Variants in OR2L13 observed in about 807,000 individuals in gnomAD.
The protein encoded by OR2L13 is olfactory receptor family 2 subfamily L member 13.
A neutral mutation model predicts 15.3 loss-of-function variants in OR2L13; 14 were observed. The ratio of observed to expected loss-of-function variants is 0.91; its 90% CI spans 0.60 to 1.43. The LOEUF (loss-of-function observed/expected upper bound fraction) is 1.43. OR2L13 is among the 40% of genes most tolerant of loss of function. The pLI is 0.00. For missense variants in OR2L13, 367 were observed against 387.9 expected (o/e 0.95, Z 0.45); for synonymous variants, 152 against 142.9 (o/e 1.06, Z -0.45).
At chr1:247,957,563 A>G in the OR2L13 span, among the ~76,000 whole-genome samples, 4 of 152,108 alleles carry the variant, frequency 2.6e-5, no homozygotes, top group African/African-American at 4.8e-5. Context: ...CTGTGAATCC[A>G]TCTGGTCCTG....
At chr1:248,062,797 G>T in the OR2L13 span, 1 of 152,120 alleles carries the variant, frequency 6.6e-6, no homozygotes, top group African/African-American at 2.4e-5. Context: ...CGATTAACCC[G>T]ATTTGATCAT....
the OR2L13 span, among the ~76,000 whole-genome samples, chr1:247,967,045 C>A: frequency 1.4e-5 from 2 of 147,410 alleles, no homozygotes; most frequent in African/African-American, 5.0e-5. Flanking sequence ...ACACCACACA[C>A]CACACACACA....
chr1:248,039,658 T>C, the OR2L13 span: 2 of 153,796 alleles, frequency 1.3e-5, no homozygotes, highest in African/African-American at 4.8e-5. Flanking sequence ...CATTAACATG[T>C]AGAAATCAAA....
the OR2L13 span, chr1:247,939,604 C>CTA: frequency 6.6e-6 from 1 of 152,104 alleles, no homozygotes; most frequent in South Asian, 2.1e-4. Context: ...GAGCAACATT[C>CTA]TACATAAAAA....
At chr1:248,049,280 T>G in the OR2L13 span, among the ~76,000 whole-genome samples, 2 of 152,320 alleles carry the variant, frequency 1.3e-5, no homozygotes, top group East Asian at 3.9e-4. Flanking sequence ...GGCTACTTTC[T>G]TCATCTCACT....
At chr1:248,004,873 A>G in the OR2L13 span, among the ~76,000 whole-genome samples, 3 of 152,178 alleles carry the variant, frequency 2.0e-5, no homozygotes, top group African/African-American at 4.8e-5. Context: ...CCCAGTGAAC[A>G]TTCTTGGGTC....
At chr1:248,079,604 T>C in the OR2L13 span, among the ~76,000 whole-genome samples, 1 of 152,144 alleles carries the variant, frequency 6.6e-6, no homozygotes, top group African/African-American at 2.4e-5. Context: ...TGTTCGGTAA[T>C]AGAAATATAG....
the OR2L13 span, among the ~76,000 whole-genome samples, chr1:247,997,401 A>G: frequency 6.6e-6 from 1 of 152,202 alleles, no homozygotes; most frequent in African/African-American, 2.4e-5. Flanking sequence ...TTTAGTGAGC[A>G]TTTCCAAATT....
the OR2L13 span, among the ~76,000 whole-genome samples, chr1:247,974,241 G>C: frequency 2.0e-5 from 3 of 152,112 alleles, no homozygotes; most frequent in Non-Finnish European, 2.9e-5. Flanking sequence ...TGGACACATG[G>C]AGGGGAACAT....
the OR2L13 span, among the ~76,000 whole-genome samples, chr1:248,089,570 G>A: frequency 6.6e-6 from 1 of 152,102 alleles, no homozygotes; most frequent in Non-Finnish European, 1.5e-5. Context: ...AAATAAATGA[G>A]CAACTTCATA....
chr1:247,996,636 T>A, the OR2L13 span, among the ~76,000 whole-genome samples: 2 of 152,210 alleles, frequency 1.3e-5, no homozygotes, highest in African/African-American at 2.4e-5. Context: ...TTTGCATACA[T>A]AACCCTTGTG....
chr1:247,981,926 C>CT, the OR2L13 span, among the ~76,000 whole-genome samples: 2 of 151,866 alleles, frequency 1.3e-5, no homozygotes, highest in Admixed American at 1.3e-4. Context: ...CGCCATTCTC[C>CT]TGCCTCAGCC....
the OR2L13 span, among the ~76,000 whole-genome samples, chr1:247,986,793 A>T: frequency 6.6e-6 from 1 of 152,104 alleles, no homozygotes; most frequent in South Asian, 2.1e-4. Flanking sequence ...TTCATTGAGC[A>T]GTGGTTTGTT....
chr1:248,073,059 T>A, the OR2L13 span, among the ~76,000 whole-genome samples: 2 of 151,444 alleles, frequency 1.3e-5, no homozygotes, highest in African/African-American at 2.4e-5. Flanking sequence ...ATTGTGGAAG[T>A]CAGTGTGGCG....
the OR2L13 span, among the ~76,000 whole-genome samples, chr1:248,055,681 C>T: frequency 2.6e-5 from 4 of 152,194 alleles, no homozygotes; most frequent in African/African-American, 7.2e-5. Context: ...CACTTAAACC[C>T]AGGAGGCGAA....
the OR2L13 span, among the ~76,000 whole-genome samples, chr1:248,036,782 A>G: frequency 1.0e-3 from 156 of 152,230 alleles, no homozygotes; most frequent in African/African-American, 3.6e-3. Context: ...GTGAATGGTC[A>G]TTTCTCCAAA....
the OR2L13 span, among the ~76,000 whole-genome samples, chr1:248,027,175 C>T: frequency 3.3e-5 from 5 of 152,154 alleles, no homozygotes; most frequent in African/African-American, 1.2e-4. Flanking sequence ...CTTTTACAGT[C>T]ATAGATAAGG....
the OR2L13 span, among the ~76,000 whole-genome samples, chr1:247,968,503 C>T: frequency 6.7e-6 from 1 of 148,152 alleles, no homozygotes; most frequent in Non-Finnish European, 1.5e-5. Flanking sequence ...CAGCCCCCCA[C>T]CCCCCAACAG....
At chr1:247,976,350 C>G in the OR2L13 span, among the ~76,000 whole-genome samples, 1 of 152,158 alleles carries the variant, frequency 6.6e-6, no homozygotes, top group Non-Finnish European at 1.5e-5. Flanking sequence ...TCTCATAAAT[C>G]AACACATCTA....
Sources: gnomAD v4.1 joint callset for allele counts (sites outside exome capture counted in the v4.1 genomes callset) on GRCh38, gnomAD v4.1.1 for gene constraint, MANE v1.5 for transcripts, NCBI Gene and HGNC (gene_info 2026-07-23, HGNC 2026-07-21) for gene names.